ERBB4: variants seen among roughly 807,000 people sequenced by gnomAD.
ERBB4 encodes receptor tyrosine-protein kinase erbB-4.
Under a neutral mutation model 158.0 loss-of-function variants are expected in ERBB4, and 42 were observed. That is an observed-to-expected ratio of 0.27 (90% CI 0.21 to 0.34). The LOEUF (loss-of-function observed/expected upper bound fraction) is 0.34, where lower values mean the gene tolerates loss of function less well. Among genes scored for constraint, ERBB4 ranks in the 10% least tolerant of loss-of-function variants. The pLI is 1.00. For synonymous variants in ERBB4, 583 were observed against 558.7 expected (o/e 1.04, Z -0.61); for missense variants, 1,333 against 1,624.1 (o/e 0.82, Z 3.08).
chr2:211,788,493 TG>T (rs1575149742), intron 3 of ERBB4, among the ~76,000 whole-genome samples: 1 of 152,084 alleles, frequency 6.6e-6, no homozygotes, highest in Non-Finnish European at 1.5e-5. Context: ...ATAACCTGCT[TG>T]TTTAGTTTAA....
chr2:211,745,808 C>T (rs1307540489), intron 5 of ERBB4, among the ~76,000 whole-genome samples: 1 of 149,798 alleles, frequency 6.7e-6, no homozygotes, highest in African/African-American at 2.5e-5. Context: ...AAGATGAAGT[C>T]ATTTTCCCAT....
intron 1 of ERBB4, among the ~76,000 whole-genome samples, chr2:212,265,322 C>T (rs1026106903): frequency 2.0e-5 from 3 of 151,988 alleles, no homozygotes; most frequent in African/African-American, 7.2e-5. Flanking sequence ...TCTGAAAGGT[C>T]ATAAAAGCTT....
At chr2:212,314,978 A>G (rs1031335945) in intron 1 of ERBB4, among the ~76,000 whole-genome samples, 1 of 151,192 alleles carries the variant, frequency 6.6e-6, no homozygotes, top group African/African-American at 2.4e-5. Context: ...TTGGTTTTTT[A>G]AAAGGCTAGT....
chr2:211,568,676 TA>T (rs1006375934), intron 19 of ERBB4, among the ~76,000 whole-genome samples: 1 of 151,966 alleles, frequency 6.6e-6, no homozygotes, highest in Non-Finnish European at 1.5e-5. Context: ...TAGGGAAGAT[TA>T]AAAGAGAGAT....
intron 1 of ERBB4, among the ~76,000 whole-genome samples, chr2:212,502,911 C>T (rs1690972179): frequency 6.6e-6 from 1 of 152,152 alleles, no homozygotes; most frequent in Non-Finnish European, 1.5e-5. Flanking sequence ...GCTGGGACTA[C>T]AGGAACATGC....
chr2:211,684,848 T>C (rs1353818557), intron 12 of ERBB4, among the ~76,000 whole-genome samples: 2 of 152,164 alleles, frequency 1.3e-5, no homozygotes, highest in Admixed American at 6.5e-5. Flanking sequence ...CCAGTGGTCA[T>C]AGTTTTCCAG....
intron 2 of ERBB4, among the ~76,000 whole-genome samples, chr2:211,957,857 T>C (rs576093180): frequency 2.0e-5 from 3 of 152,284 alleles, no homozygotes; most frequent in African/African-American, 7.2e-5. Context: ...GAGTGACAGT[T>C]TCATGTCTGA....
At chr2:211,875,204 A>C (rs775240096) in intron 3 of ERBB4, among the ~76,000 whole-genome samples, 2 of 152,094 alleles carry the variant, frequency 1.3e-5, no homozygotes, top group Non-Finnish European at 2.9e-5. Context: ...TCATTAATAA[A>C]ATACCATTCA....
intron 1 of ERBB4, among the ~76,000 whole-genome samples, chr2:212,144,387 A>C (rs2080593296): frequency 6.6e-6 from 1 of 152,202 alleles, no homozygotes; most frequent in Admixed American, 6.5e-5. Flanking sequence ...TTTTTTCTGG[A>C]AAATGTTTTA....
At chr2:211,755,483 C>T (rs913522006) in intron 4 of ERBB4, among the ~76,000 whole-genome samples, 2 of 152,042 alleles carry the variant, frequency 1.3e-5, no homozygotes, top group East Asian at 1.9e-4. Context: ...GCCTGGGCGA[C>T]GGATCAGACC....
intron 20 of ERBB4, among the ~76,000 whole-genome samples, chr2:211,495,168 G>A (rs2065439208): frequency 6.6e-6 from 1 of 151,984 alleles, no homozygotes; most frequent in South Asian, 2.1e-4. Context: ...AGTAAGAAGA[G>A]CTATGAAATC....
At chr2:212,259,127 T>G (rs2084843999) in intron 1 of ERBB4, among the ~76,000 whole-genome samples, 1 of 152,194 alleles carries the variant, frequency 6.6e-6, no homozygotes, top group Non-Finnish European at 1.5e-5. Flanking sequence ...CAATTAATGT[T>G]CTTCATCAGA....
chr2:211,408,173 T>C (rs2063183570), intron 25 of ERBB4, among the ~76,000 whole-genome samples: 1 of 152,236 alleles, frequency 6.6e-6, no homozygotes, highest in Non-Finnish European at 1.5e-5. Flanking sequence ...GTGCCACTTC[T>C]ATTATATAAA....
At chr2:212,507,424 C>G (rs1338731211) in intron 1 of ERBB4, among the ~76,000 whole-genome samples, 1 of 152,010 alleles carries the variant, frequency 6.6e-6, no homozygotes, top group Non-Finnish European at 1.5e-5. Context: ...GCTGTACCTG[C>G]CAGAGACAGG....
intron 27 of ERBB4, among the ~76,000 whole-genome samples, chr2:211,384,727 A>C (rs1174366760): frequency 1.3e-5 from 2 of 152,320 alleles, no homozygotes; most frequent in East Asian, 3.9e-4. Context: ...ACTTAATAGT[A>C]AAGTATAATT....
intron 1 of ERBB4, among the ~76,000 whole-genome samples, chr2:212,237,932 A>G (rs1017239498): frequency 1.3e-5 from 2 of 152,128 alleles, no homozygotes; most frequent in Non-Finnish European, 2.9e-5. Context: ...CTCCCCCAAC[A>G]AAGCTCAAGT....
chr2:212,514,181 T>TA (rs535684834), intron 1 of ERBB4, among the ~76,000 whole-genome samples: 2,830 of 138,320 alleles, frequency 0.02, 63 homozygotes, highest in African/African-American at 0.058. Context: ...TGAAATTGTG[T>TA]AAAAAAAAAA....
intron 2 of ERBB4, among the ~76,000 whole-genome samples, chr2:212,044,787 C>T (rs1246033290): frequency 6.6e-6 from 1 of 152,074 alleles, no homozygotes; most frequent in Non-Finnish European, 1.5e-5. Context: ...TCCCAAAGTC[C>T]TAATCATAGA....
At chr2:211,656,729 A>AT (rs1220892971) in intron 16 of ERBB4, among the ~76,000 whole-genome samples, 6 of 151,922 alleles carry the variant, frequency 3.9e-5, no homozygotes, top group African/African-American at 7.3e-5. Flanking sequence ...TGCAGTATGT[A>AT]TTTTTTTTAA....
Sources: allele counts gnomAD v4.1 joint callset (sites outside exome capture counted in the v4.1 genomes callset), GRCh38; gene constraint gnomAD v4.1.1; transcripts MANE v1.5; gene names NCBI Gene and HGNC (gene_info 2026-07-23, HGNC 2026-07-21).